The following RAD51B variants were observed in gnomAD, a reference collection of about 807,000 sequenced individuals.
RAD51B encodes RAD51 paralog B.
A neutral mutation model predicts 42.2 loss-of-function variants in RAD51B; 38 were observed. The observed-to-expected ratio is 0.90, with a 90% CI of 0.70 to 1.18. The LOEUF (loss-of-function observed/expected upper bound fraction) is 1.18, where lower values mean the gene tolerates loss of function less well. Ranked by LOEUF, RAD51B falls within the 50% of genes most tolerant of loss-of-function variation. The probability of loss-of-function intolerance (pLI) is 0.00; values close to 1 mark genes in which losing one functional copy is unlikely to be tolerated. For missense variants in RAD51B, 373 were observed against 400.7 expected (o/e 0.93, Z 0.59); for synonymous variants, 154 against 145.2 (o/e 1.06, Z -0.43).
intron 11 of RAD51B, among the ~76,000 whole-genome samples, chr14:68,658,577 C>A (rs1160916017): frequency 6.6e-6 from 1 of 152,176 alleles, no homozygotes; most frequent in African/African-American, 2.4e-5. Context: ...CTTCACAATC[C>A]CTCTACAAGG....
intron 7 of RAD51B, among the ~76,000 whole-genome samples, chr14:68,266,303 A>G (rs571820760): frequency 2.0e-5 from 3 of 152,366 alleles, no homozygotes; most frequent in South Asian, 4.1e-4. Flanking sequence ...AAAACTGTGT[A>G]TTTATATGGA....
At chr14:68,139,469 CA>C (rs776711545) in intron 7 of RAD51B, among the ~76,000 whole-genome samples, 5 of 152,118 alleles carry the variant, frequency 3.3e-5, no homozygotes, top group Non-Finnish European at 5.9e-5. Context: ...TTATTAACAG[CA>C]GTGCTTATTT....
At chr14:68,358,212 C>T (rs2082947600) in intron 8 of RAD51B, among the ~76,000 whole-genome samples, 2 of 152,052 alleles carry the variant, frequency 1.3e-5, no homozygotes, top group South Asian at 2.1e-4. Context: ...TGAAATAGTG[C>T]GAGAATGACC....
At chr14:68,385,935 G>C (rs1196257760) in intron 8 of RAD51B, among the ~76,000 whole-genome samples, 1 of 152,172 alleles carries the variant, frequency 6.6e-6, no homozygotes, top group Non-Finnish European at 1.5e-5. Flanking sequence ...CTGAGAGATT[G>C]TTTGTTCAAA....
chr14:68,471,443 G>T (rs181705100), intron 10 of RAD51B, among the ~76,000 whole-genome samples: 3 of 152,186 alleles, frequency 2.0e-5, no homozygotes, highest in Admixed American at 2.0e-4. Context: ...GGCAGAATTC[G>T]ATTTACCAGC....
intron 7 of RAD51B, among the ~76,000 whole-genome samples, chr14:68,217,194 A>G (rs540357313): frequency 1.9e-4 from 29 of 152,200 alleles, no homozygotes; most frequent in African/African-American, 6.7e-4. Context: ...CCAGTCTCCT[A>G]TGACAAGGCC....
downstream of RAD51B, among the ~76,000 whole-genome samples, chr14:68,481,173 T>C (rs1042693077): frequency 3.9e-5 from 6 of 152,224 alleles, no homozygotes; most frequent in African/African-American, 1.4e-4. Context: ...GCCACGAACC[T>C]TGAGATAGGT....
intron 8 of RAD51B, among the ~76,000 whole-genome samples, chr14:68,319,462 A>G (rs2139758621): frequency 6.6e-6 from 1 of 152,356 alleles, no homozygotes; most frequent in African/African-American, 2.4e-5. Context: ...ATTGAAAATC[A>G]CTGTCAATTT....
At chr14:68,643,631 G>A (rs55877285) in intron 10 of RAD51B, among the ~76,000 whole-genome samples, 9,589 of 152,160 alleles carry the variant, frequency 0.063, 392 homozygotes, top group African/African-American at 0.1. Flanking sequence ...TTATTACTTT[G>A]TTTTATCCTA....
chr14:67,885,282 A>G (rs968970798), intron 5 of RAD51B, among the ~76,000 whole-genome samples: 5 of 152,226 alleles, frequency 3.3e-5, no homozygotes, highest in African/African-American at 7.2e-5. Flanking sequence ...TACTGCATGT[A>G]TTAAACTGGC....
chr14:68,548,772 G>A (rs2140379402), intron 10 of RAD51B, among the ~76,000 whole-genome samples: 1 of 152,268 alleles, frequency 6.6e-6, no homozygotes, highest in South Asian at 2.1e-4. Context: ...GATGACCCAG[G>A]ATTATCCCCC....
At chr14:68,563,141 G>A in intron 10 of RAD51B, 1 of 985,448 alleles carries the variant, frequency 1.0e-6, no homozygotes, top group Non-Finnish European at 1.2e-6. Flanking sequence ...ATTTGACTTG[G>A]CGAAGGAGAG....
chr14:68,335,313 A>G (rs1487629957), intron 8 of RAD51B, among the ~76,000 whole-genome samples: 2 of 109,836 alleles, frequency 1.8e-5, no homozygotes, highest in Non-Finnish European at 3.8e-5. Flanking sequence ...AAAAAAAAAA[A>G]GAAAAGAAAA....
chr14:67,925,647 ACT>A (rs1383703158), intron 7 of RAD51B, among the ~76,000 whole-genome samples: 7 of 151,900 alleles, frequency 4.6e-5, no homozygotes, highest in Middle Eastern at 3.4e-3. Flanking sequence ...CCCAGTAGGG[ACT>A]CTGTATGGGG....
chr14:67,931,077 C>G (rs1021865266), intron 7 of RAD51B, among the ~76,000 whole-genome samples: 1 of 152,068 alleles, frequency 6.6e-6, no homozygotes, highest in African/African-American at 2.4e-5. Flanking sequence ...CCTGCCACCA[C>G]GCCTGGCTAA....
At chr14:67,821,341 GT>G (rs1178448261) in intron 1 of RAD51B, among the ~76,000 whole-genome samples, 1 of 152,222 alleles carries the variant, frequency 6.6e-6, no homozygotes, top group African/African-American at 2.4e-5. Flanking sequence ...AATGAATGGA[GT>G]GGCCAGAAAC....
At position 68,251,556 on chromosome 14, in the gene RAD51B, G is replaced by A. The variant is rs547477761; in HGVS notation, c.757-40328G>A. ...TAAAGGAAATAATTTTAAGAAAAGA[G>A]ACTTTCCCATGATGAGCTTTAGTCT... On this transcript the variant is annotated intron_variant, in intron 7 of 10. Coordinates refer to ENST00000471583, the MANE Select transcript of RAD51B (RefSeq NM_133510.4). Among the ~76,000 whole-genome samples, 63 of 152,328 alleles carry A rather than the reference G, an allele frequency of 4.1e-4. No individual in the cohort carries two copies. The South Asian group carries it at 0.012, about 30-fold the overall frequency.
At chr14:67,934,147 A>G (rs2044844531) in intron 7 of RAD51B, among the ~76,000 whole-genome samples, 1 of 152,186 alleles carries the variant, frequency 6.6e-6, no homozygotes, top group African/African-American at 2.4e-5. Context: ...TCCTGGTACA[A>G]TCAGGATGAA....
intron 7 of RAD51B, among the ~76,000 whole-genome samples, chr14:68,043,785 C>G (rs142027036): frequency 6.6e-6 from 1 of 152,268 alleles, no homozygotes; most frequent in East Asian, 1.9e-4. Context: ...AATTAAAAAA[C>G]AAACTAAGAC....
Sources: allele counts gnomAD v4.1 joint callset (sites outside exome capture counted in the v4.1 genomes callset), GRCh38; gene constraint gnomAD v4.1.1; transcripts MANE v1.5; gene names NCBI Gene and HGNC (gene_info 2026-07-23, HGNC 2026-07-21).